The following PRICKLE2 variants were observed in gnomAD, a reference collection of about 807,000 sequenced individuals.
PRICKLE2 encodes the protein prickle planar cell polarity protein 2.
In PRICKLE2, 21 loss-of-function variants were observed where a neutral mutation model predicts 81.4. The observed-to-expected ratio is 0.26, with a 90% confidence interval of 0.18 to 0.37. The LOEUF (loss-of-function observed/expected upper bound fraction) is 0.37. Among genes scored for constraint, PRICKLE2 ranks in the 10% least tolerant of loss-of-function variants. The pLI, the probability that PRICKLE2 is intolerant of heterozygous loss-of-function variation, is 1.00. For synonymous variants in PRICKLE2, 456 were observed against 421.5 expected (o/e 1.08, Z -1.00); for missense variants, 940 against 1,109.0 (o/e 0.85, Z 2.16).
chr3:64,158,810 A>T (rs2077682089), intron 4 of PRICKLE2, among the ~76,000 whole-genome samples: 1 of 152,056 alleles, frequency 6.6e-6, no homozygotes, highest in South Asian at 2.1e-4. Flanking sequence ...TAGCTACCCC[A>T]TCCCATATAA....
At chr3:64,122,141 T>A (rs995418096) in intron 7 of PRICKLE2, among the ~76,000 whole-genome samples, 14 of 151,774 alleles carry the variant, frequency 9.2e-5, no homozygotes, top group African/African-American at 3.1e-4. Context: ...GCCAGAGAGG[T>A]CAGAATGGAA....
At chr3:64,199,341 A>G (rs1402662942) in intron 1 of PRICKLE2, 2 of 314,392 alleles carry the variant, frequency 6.4e-6, no homozygotes, top group Non-Finnish European at 1.2e-5. Context: ...AATTAAATAT[A>G]CATAATACAT....
At chr3:64,221,417 TCATA>T (rs2078950468) in intron 1 of PRICKLE2, among the ~76,000 whole-genome samples, 2 of 129,854 alleles carry the variant, frequency 1.5e-5, no homozygotes, top group Non-Finnish European at 3.2e-5. Flanking sequence ...CCTGCTTGAT[TCATA>T]CACACACACA....
At chr3:64,114,878 T>A (rs1575552759) in intron 7 of PRICKLE2, among the ~76,000 whole-genome samples, 1 of 152,030 alleles carries the variant, frequency 6.6e-6, no homozygotes, top group East Asian at 1.9e-4. Flanking sequence ...AAGAAGATTA[T>A]CCCCAGTACA....
intron 2 of PRICKLE2, among the ~76,000 whole-genome samples, chr3:64,266,799 C>T (rs2079716621): frequency 6.6e-6 from 1 of 152,116 alleles, no homozygotes; most frequent in South Asian, 2.1e-4. Context: ...ACCACCTAAA[C>T]AACTGCAAAT....
intron 7 of PRICKLE2, among the ~76,000 whole-genome samples, chr3:64,131,785 C>T (rs988288098): frequency 9.2e-5 from 14 of 152,294 alleles, no homozygotes; most frequent in South Asian, 4.1e-4. Flanking sequence ...ATGGTATTCC[C>T]GACCTACTGC....
intron 2 of PRICKLE2, among the ~76,000 whole-genome samples, chr3:64,164,202 C>T (rs896319426): frequency 1.3e-5 from 2 of 152,058 alleles, no homozygotes; most frequent in Non-Finnish European, 2.9e-5. Flanking sequence ...CACGGTGAAA[C>T]CCCGCCTCTA....
At chr3:64,209,902 T>C (rs558689984) in intron 1 of PRICKLE2, among the ~76,000 whole-genome samples, 11 of 152,140 alleles carry the variant, frequency 7.2e-5, no homozygotes, top group African/African-American at 2.6e-4. Flanking sequence ...GACATTTGAG[T>C]TGTGATGAGA....
At chr3:64,134,786 G>A (rs2077253141) in intron 7 of PRICKLE2, among the ~76,000 whole-genome samples, 1 of 152,132 alleles carries the variant, frequency 6.6e-6, no homozygotes, top group Non-Finnish European at 1.5e-5. Context: ...TTTTACCTAG[G>A]ACCCATTATT....
intron 2 of PRICKLE2, among the ~76,000 whole-genome samples, chr3:64,241,361 A>T (rs557446834): frequency 6.6e-6 from 1 of 152,246 alleles, no homozygotes; most frequent in African/African-American, 2.4e-5. Context: ...TCTCTCTGAA[A>T]CACCAGGGCG....
chr3:64,108,941 C>A (rs970894464), intron 7 of PRICKLE2, among the ~76,000 whole-genome samples: 2 of 152,144 alleles, frequency 1.3e-5, no homozygotes, highest in African/African-American at 4.8e-5. Flanking sequence ...AGTCACACAT[C>A]CCTCTGGTTG....
chr3:64,267,987 C>G (rs931531539), intron 2 of PRICKLE2: 2 of 152,292 alleles, frequency 1.3e-5, no homozygotes, highest in African/African-American at 4.8e-5. Context: ...GTTGGAGACC[C>G]AGGGGCAGGG....
intron 3 of PRICKLE2, among the ~76,000 whole-genome samples, chr3:64,161,808 A>T (rs1575605489): frequency 6.6e-6 from 1 of 151,986 alleles, no homozygotes; most frequent in East Asian, 1.9e-4. Context: ...CACCACTGAC[A>T]TTTTAGGGAC....
intron 2 of PRICKLE2, chr3:64,174,760 G>T (rs1575619904): frequency 9.3e-6 from 2 of 215,124 alleles, no homozygotes; most frequent in Admixed American, 8.4e-5. Context: ...TGTGAACTGT[G>T]AAGTTGTTGC....
chr3:64,128,612 T>G (rs184552556), intron 7 of PRICKLE2, among the ~76,000 whole-genome samples: 21 of 152,026 alleles, frequency 1.4e-4, no homozygotes, highest in Admixed American at 1.4e-3. Context: ...CCGGGTGTGG[T>G]GGTATGCACC....
chr3:64,163,268 T>C, intron 2 of PRICKLE2, 139 bp from the exon 3 acceptor site: 3 of 722,718 alleles, frequency 4.2e-6, no homozygotes, highest in South Asian at 1.4e-5. Flanking sequence ...CAACAGCAGA[T>C]GAGTTTCCTA....
chr3:64,165,963 GGTGTGTGT>G (rs67554015), intron 2 of PRICKLE2, among the ~76,000 whole-genome samples: 2,854 of 61,738 alleles, frequency 0.046, 66 homozygotes, highest in African/African-American at 0.097. Context: ...CTGTTATAAA[GGTGTGTGT>G]GTGTGTGTGT....
intron 7 of PRICKLE2, among the ~76,000 whole-genome samples, chr3:64,141,503 G>A (rs1441461311): frequency 6.6e-6 from 1 of 152,240 alleles, no homozygotes; most frequent in Non-Finnish European, 1.5e-5. Context: ...CTAATGCTAT[G>A]ATTACGCAGG....
At chr3:64,252,145 T>C (rs964350452) in intron 2 of PRICKLE2, among the ~76,000 whole-genome samples, 8 of 152,210 alleles carry the variant, frequency 5.3e-5, no homozygotes, top group Non-Finnish European at 1.0e-4. Flanking sequence ...ACACCCATAG[T>C]TTCCTACCTG....
Sources: gnomAD v4.1 joint callset for allele counts (sites outside exome capture counted in the v4.1 genomes callset) on GRCh38, gnomAD v4.1.1 for gene constraint, MANE v1.5 for transcripts, NCBI Gene and HGNC (gene_info 2026-07-23, HGNC 2026-07-21) for gene names.